The following ZNF423 variants were observed in gnomAD, a reference collection of about 807,000 sequenced individuals.
The protein encoded by ZNF423 is Ebf-associated zinc finger protein.
In ZNF423, 12 loss-of-function variants were observed where a neutral mutation model predicts 95.8. That is an observed-to-expected ratio of 0.13 (90% CI 0.08 to 0.20). ZNF423 has a LOEUF of 0.20. Among genes scored for constraint, ZNF423 ranks in the 10% least tolerant of loss-of-function variants. The pLI, the probability that ZNF423 is intolerant of heterozygous loss-of-function variation, is 1.00. For synonymous variants in ZNF423, 749 were observed against 711.9 expected (o/e 1.05, Z -0.83); for missense variants, 1,316 against 1,737.1 (o/e 0.76, Z 4.31).
chr16:49,699,642 T>G (rs1264453232), intron 3 of ZNF423, among the ~76,000 whole-genome samples: 1 of 152,250 alleles, frequency 6.6e-6, no homozygotes, highest in Middle Eastern at 3.2e-3. Context: ...ATTGTTTACT[T>G]TGGGGCTCAC....
At chr16:49,695,337 G>C (rs1357356972) in intron 3 of ZNF423, among the ~76,000 whole-genome samples, 1 of 152,144 alleles carries the variant, frequency 6.6e-6, no homozygotes, top group Non-Finnish European at 1.5e-5. Context: ...TTGTTGCCCA[G>C]GCTGGAGTGC....
At chr16:49,694,296 A>G (rs540903701) in intron 3 of ZNF423, among the ~76,000 whole-genome samples, 20 of 152,320 alleles carry the variant, frequency 1.3e-4, no homozygotes, top group African/African-American at 3.8e-4. Flanking sequence ...CCTGCCATAC[A>G]GAGACCCCTC....
At chr16:49,559,693 A>G (rs1442436435) in intron 5 of ZNF423, among the ~76,000 whole-genome samples, 1 of 152,182 alleles carries the variant, frequency 6.6e-6, no homozygotes, top group Non-Finnish European at 1.5e-5. Context: ...TCTTTTGTGC[A>G]TTTGAACCAA....
chr16:49,805,529 G>A (rs1597025556), intron 1 of ZNF423, among the ~76,000 whole-genome samples: 2 of 152,104 alleles, frequency 1.3e-5, no homozygotes, highest in South Asian at 2.1e-4. Context: ...TGCCTCTCTC[G>A]GCCCCTTCAA....
At chr16:49,514,336 C>T (rs373101898) in intron 7 of ZNF423, among the ~76,000 whole-genome samples, 33 of 152,252 alleles carry the variant, frequency 2.2e-4, no homozygotes, top group African/African-American at 7.7e-4. Flanking sequence ...CATGTATTTA[C>T]TGACTTATCA....
At chr16:49,671,204 C>T (rs1391607862) in intron 3 of ZNF423, among the ~76,000 whole-genome samples, 1 of 152,206 alleles carries the variant, frequency 6.6e-6, no homozygotes, top group African/African-American at 2.4e-5. Flanking sequence ...TGTCAGCATG[C>T]ACTTGGCAGT....
Position 49,603,008 on chromosome 16 carries a change from G to T in ZNF423, c.3601+23162C>A, listed in dbSNP as rs920009061. ...CGTGGAGCCCTGGCACCTCGGTTTC[G>T]CAGAGAAACGTGTCCCTGAAATGCC... On this transcript the variant is annotated intron_variant, in intron 5 of 7. Coordinates refer to ENST00000563137, the MANE Select transcript of ZNF423 (RefSeq NM_001379286.1). This position sits in a 1 kb window ranked among gnomAD's most constrained non-coding sequence, Gnocchi z 4.1. 6.6e-6 allele frequency among the ~76,000 whole-genome samples: 1 copy of T among 152,190 alleles called. No individual in the cohort carries two copies. Among genetic ancestry groups the T allele is most frequent in the Non-Finnish European group, 1.5e-5 (1 of 68,028 alleles).
chr16:49,633,369 A>G (rs1290767478), intron 4 of ZNF423, among the ~76,000 whole-genome samples: 1 of 152,230 alleles, frequency 6.6e-6, no homozygotes, highest in East Asian at 1.9e-4. Flanking sequence ...TAAGGTCAGC[A>G]TGAGAAATAG....
chr16:49,558,898 G>A (rs1193276144), intron 5 of ZNF423, among the ~76,000 whole-genome samples: 1 of 152,198 alleles, frequency 6.6e-6, no homozygotes, highest in Non-Finnish European at 1.5e-5. Flanking sequence ...GGGTTTTGGG[G>A]GGGTCCCACC....
Position 49,807,443 on chromosome 16 carries a change from A to G in ZNF423, c.41-17897T>C, listed in dbSNP as rs146020437. On this transcript the variant is annotated intron_variant, in intron 1 of 7. Coordinates refer to ENST00000563137, the MANE Select transcript of ZNF423 (RefSeq NM_001379286.1). ...ATATTCCGTCTCAAAAAAAAAACAAAAAATACAAAATAAAAGCCCAAACCT... is the reference window on the plus strand; with the variant it reads ...ATATTCCGTCTCAAAAAAAAAACAAGAAATACAAAATAAAAGCCCAAACCT... 5.6e-3 allele frequency among the ~76,000 whole-genome samples: 854 copies of G among 152,284 alleles called. 4 individuals are homozygous for G. Among genetic ancestry groups the G allele is most frequent in the Non-Finnish European group, 9.0e-3 (611 of 68,010 alleles).
At chr16:49,652,172 C>T (rs1973433076) in intron 3 of ZNF423, among the ~76,000 whole-genome samples, 1 of 152,064 alleles carries the variant, frequency 6.6e-6, no homozygotes, top group Admixed American at 6.6e-5. Flanking sequence ...CCCCCGCCCC[C>T]ACATGGCTGC....
In ZNF423 at chr16:49,636,961, A is replaced by G; in HGVS notation, c.2215T>C (p.Ser739Pro). The G allele has an allele frequency of 6.2e-7, 1 of 1,613,772 alleles. No homozygotes were observed. Among genetic ancestry groups the G allele is most frequent in the Non-Finnish European group, 8.5e-7 (1 of 1,179,952 alleles). The change falls in exon 4 of 8, where the codon TCC becomes CCC. Residue 739 changes from serine to proline, a missense_variant. By Grantham distance (74) the Ser-to-Pro change is moderately conservative. This residue lies in a region of ZNF423 where 620 missense variants were observed against 775.6 expected (regional missense o/e 0.80). Coordinates refer to ENST00000563137, the MANE Select transcript of ZNF423 (RefSeq NM_001379286.1). This position sits in a 1 kb window ranked among gnomAD's most constrained non-coding sequence, Gnocchi z 8.6. Reference protein sequence around the residue: ...HCTLCQEVFDSKVSIQVHLAV... With the variant: ...HCTLCQEVFDPKVSIQVHLAV... ...AGGTGCACCTGGATGGACACCTTGG[A>G]GTCGAAGACCTCCTGACACAGGGTG... is the stretch of plus-strand genomic sequence containing the variant.
intron 3 of ZNF423, among the ~76,000 whole-genome samples, chr16:49,656,971 A>AGG (rs1416178581): frequency 6.6e-6 from 1 of 152,146 alleles, no homozygotes; most frequent in African/African-American, 2.4e-5. Flanking sequence ...CTGACCTCAG[A>AGG]GGCTGTGTTC....
At chr16:49,497,647 C>G (rs541200955) in intron 7 of ZNF423, among the ~76,000 whole-genome samples, 2 of 152,158 alleles carry the variant, frequency 1.3e-5, no homozygotes, top group Non-Finnish European at 2.9e-5. Flanking sequence ...CCCCACTGCC[C>G]ACCACTGGCC....
At chr16:49,675,149 A>T (rs541564873) in intron 3 of ZNF423, among the ~76,000 whole-genome samples, 1 of 152,190 alleles carries the variant, frequency 6.6e-6, no homozygotes, top group Non-Finnish European at 1.5e-5. Context: ...GTCTACTAAC[A>T]TGCTGTGTGA....
intron 7 of ZNF423, among the ~76,000 whole-genome samples, chr16:49,521,257 G>A (rs1406386627): frequency 2.0e-5 from 3 of 152,202 alleles, no homozygotes; most frequent in Non-Finnish European, 4.4e-5. Context: ...CAATGCAGGC[G>A]AGCCAGGCAG....
intron 3 of ZNF423, among the ~76,000 whole-genome samples, chr16:49,692,928 C>A (rs1040998267): frequency 1.3e-5 from 2 of 152,252 alleles, no homozygotes; most frequent in Non-Finnish European, 2.9e-5. Context: ...CTGTGCCAGG[C>A]ACATAGTAGG....
intron 2 of ZNF423, among the ~76,000 whole-genome samples, chr16:49,784,687 T>G (rs1015281686): frequency 6.6e-6 from 1 of 152,130 alleles, no homozygotes; most frequent in African/African-American, 2.4e-5. Context: ...TGGTGGCTCA[T>G]GCCTGTAATC....
Position 49,703,480 on chromosome 16 carries a change from G to C in ZNF423, c.301+27291C>G, listed in dbSNP as rs560959925. 1.2e-4 allele frequency among the ~76,000 whole-genome samples: 18 copies of C among 152,328 alleles called. No homozygotes were observed. In the South Asian group the frequency reaches 3.7e-3, roughly 32 times the overall value. ...CAGGCTGGAAATTTACTCTGGATCTGGGACCAGAATCCTATCCTCAACCTG... is the reference window on the plus strand; with the variant it reads ...CAGGCTGGAAATTTACTCTGGATCTCGGACCAGAATCCTATCCTCAACCTG... On this transcript the variant is annotated intron_variant, in intron 3 of 7. Transcript: ENST00000563137.
Sources: gnomAD v4.1 joint callset for allele counts (sites outside exome capture counted in the v4.1 genomes callset) on GRCh38, gnomAD v4.1.1 for gene constraint, gnomAD v4.1.1 regional missense constraint, Gnocchi (gnomAD v3.1) non-coding constraint, MANE v1.5 for transcripts, NCBI Gene and HGNC (gene_info 2026-07-23, HGNC 2026-07-21) for gene names.